Variants in ZNF44 observed in about 807,000 individuals in gnomAD.
ZNF44 encodes zinc finger protein 44, also known as gonadotropin inducible transcription repressor-2.
In ZNF44, 9 loss-of-function variants were observed where a neutral mutation model predicts 11.7. The observed-to-expected ratio is 0.77, with a 90% CI of 0.46 to 1.35. The LOEUF (loss-of-function observed/expected upper bound fraction) is 1.35, where lower values mean the gene tolerates loss of function less well. Among genes scored for constraint, ZNF44 ranks in the 40% most tolerant of loss-of-function variants. The pLI, the probability that ZNF44 is intolerant of heterozygous loss-of-function variation, is 0.00. For synonymous variants in ZNF44, 224 were observed against 242.7 expected (o/e 0.92, Z 0.72); for missense variants, 696 against 743.1 (o/e 0.94, Z 0.74).
In ZNF44 at chr19:12,273,343, A is replaced by C; in HGVS notation, c.912T>G (p.Thr304=). 6.2e-7 allele frequency: 1 copy of C among 1,613,870 alleles called. No individual in the cohort carries two copies. The highest frequency in any genetic ancestry group is 8.5e-7 in the Non-Finnish European group (1 of 1,179,926). Residue 304 remains threonine (T), a synonymous_variant, in exon 4 of 4, where the codon ACT becomes ACG. Coordinates refer to ENST00000355684, the MANE Select transcript of ZNF44 (RefSeq NM_016264.4). ...GSLRVHERIH[T]GEKPYTCKQC... ...GTTTACATGTATAGGGTTTCTCTCCAGTGTGAATTCTTTCATGTACTCGAA... is the reference window on the plus strand; with the variant it reads ...GTTTACATGTATAGGGTTTCTCTCCCGTGTGAATTCTTTCATGTACTCGAA...
chr19:12,225,534 C>A (rs1039631500), downstream of ZNF44, among the ~76,000 whole-genome samples: 2 of 151,954 alleles, frequency 1.3e-5, no homozygotes, highest in African/African-American at 4.8e-5. Flanking sequence ...TTGGAAAGGC[C>A]CATGTGTTAT....
downstream of ZNF44, chr19:12,247,285 C>T (rs770940079): frequency 3.5e-5 from 43 of 1,226,122 alleles, no homozygotes; most frequent in African/African-American, 5.1e-4. Context: ...TTCTATTCAG[C>T]GTGCACTTTC....
chr19:12,293,305 A>G, intron 1 of ZNF44: 1 of 1,536,966 alleles, frequency 6.5e-7, no homozygotes, highest in Non-Finnish European at 8.7e-7. Flanking sequence ...GCCGATATCC[A>G]CTAGGCCCTC....
At chr19:12,291,491 A>T (rs1968002905) in intron 1 of ZNF44, among the ~76,000 whole-genome samples, 1 of 152,168 alleles carries the variant, frequency 6.6e-6, no homozygotes, top group East Asian at 1.9e-4. Context: ...AAAGTTTTTT[A>T]AAAATGCTCC....
exon 8 of ZNF44, chr19:12,248,371 T>C (rs1244280227): frequency 2.3e-6 from 3 of 1,291,738 alleles, no homozygotes; most frequent in Non-Finnish European, 3.0e-6. Context: ...TTGTAGACTA[T>C]CCCTGCACTG....
At chr19:12,254,091 A>T (rs1034333555) in intron 5 of ZNF44, among the ~76,000 whole-genome samples, 1 of 152,120 alleles carries the variant, frequency 6.6e-6, no homozygotes, top group Non-Finnish European at 1.5e-5. Context: ...CATACTTCTC[A>T]AGTTCACATG....
Position 12,274,343 on chromosome 19 carries a change from GCTT to G in ZNF44, c.192-283_192-281del, listed in dbSNP as rs1170710069. On this transcript the variant is annotated intron_variant, in intron 3 of 3. Transcript: ENST00000355684. ...CTGGAGTGCAGCTGGTGCTGTCTCG[GCTT>G]GCTGCAACCTCCGCCTCCCAGGTTC... Among the ~76,000 whole-genome samples, 11 of 148,040 alleles carry G rather than the reference GCTT, an allele frequency of 7.4e-5. No individual in the cohort carries two copies. In the East Asian group the frequency reaches 1.2e-3, roughly 16 times the overall value.
chr19:12,231,819 GAAC>G (rs1366338179), intron 2 of ZNF44, among the ~76,000 whole-genome samples: 5 of 152,166 alleles, frequency 3.3e-5, no homozygotes, highest in South Asian at 2.1e-4. Flanking sequence ...ACTTTTTTGA[GAAC>G]AATAGAGCTA....
chr19:12,227,556 A>G (rs1234260863), intron 3 of ZNF44, among the ~76,000 whole-genome samples: 3 of 152,260 alleles, frequency 2.0e-5, no homozygotes, highest in African/African-American at 7.2e-5. Flanking sequence ...CAGTGAGCCA[A>G]GATCGTGCCA....
chr19:12,275,079 A>G (rs754763790), intron 2 of ZNF44, 46 bp from the exon 3 acceptor site: 78 of 1,424,984 alleles, frequency 5.5e-5, no homozygotes, highest in Non-Finnish European at 7.2e-5. Context: ...TTACAAAATG[A>G]TACAAAAATT....
chr19:12,238,188 T>A (rs1424045477), upstream of ZNF44: 2 of 152,082 alleles, frequency 1.3e-5, no homozygotes, highest in East Asian at 3.9e-4. Flanking sequence ...TACAGCAATA[T>A]TCTGTAAAGA....
rs750617918 is a variant in ZNF44 at position 12,272,827 on chromosome 19, A to G, written c.1428T>C (p.Tyr476=). Residue 476 remains tyrosine (Y), a synonymous_variant, in exon 4 of 4, where the codon TAT becomes TAC. Transcript: ENST00000355684. ...ATGCTTTCCCACACTCCTTACATTC[A>G]TAAGGCTCCTCTTCACTGTGTGTTG... ...HETTHSEEEP[Y]ECKECGKAFS... 5 of 1,614,010 alleles carry G rather than the reference A, an allele frequency of 3.1e-6. No individual in the cohort carries two copies. The South Asian group carries it at 5.5e-5, about 18-fold the overall frequency.
At chr19:12,260,496 A>G (rs1599511003) in intron 5 of ZNF44, 1 of 1,290,268 alleles carries the variant, frequency 7.8e-7, no homozygotes, top group East Asian at 2.4e-5. Flanking sequence ...GAAGCCTGTG[A>G]TGGTGAAGCG....
At chr19:12,292,292 A>G (rs1968038430) in intron 1 of ZNF44, among the ~76,000 whole-genome samples, 1 of 152,214 alleles carries the variant, frequency 6.6e-6, no homozygotes. Context: ...CCTGGGCAAC[A>G]GAGGGAGACC....
intron 3 of ZNF44, 38 bp from the exon 4 acceptor site, chr19:12,274,101 A>T (rs749479780): frequency 6.6e-7 from 1 of 1,509,916 alleles, no homozygotes; most frequent in African/African-American, 1.4e-5. Context: ...AAGGTTTATT[A>T]TTGAATTTAT....
rs1435670021 is a variant in ZNF44 at position 12,273,202 on chromosome 19, T to C, written c.1053A>G (p.Ser351=). The C allele has an allele frequency of 1.5e-5, 25 of 1,614,040 alleles. No individual in the cohort carries two copies. Among genetic ancestry groups the C allele is most frequent in the Non-Finnish European group, 2.1e-5 (25 of 1,179,938 alleles). Residue 351 remains serine, a synonymous_variant, in exon 4 of 4, where the codon TCA becomes TCG. Transcript: ENST00000355684. The part of the protein sequence containing the change: ...ICGKGFDFPG[S]ARIHEGTHTL... The stretch of plus-strand genomic sequence containing the variant: ...TGTGAGTTCCTTCATGAATTCGTGC[T>C]GAACCAGGAAAATCAAAGCCTTTCC...
upstream of ZNF44, among the ~76,000 whole-genome samples, chr19:12,238,695 T>C (rs1032675873): frequency 2.0e-5 from 3 of 148,428 alleles, no homozygotes; most frequent in African/African-American, 5.0e-5. Context: ...ACTCAGGAGG[T>C]CGAGGCAGGA....
In ZNF44 at chr19:12,257,845, C is replaced by T. The variant is rs531245014; in HGVS notation, c.1913-7477G>A. ...ATTCAACTGGGCATTGTGGTGCACG[C>T]CTGTAATCCCAGCTACTCGGGAGGC... is the stretch of plus-strand genomic sequence containing the variant. On this transcript the variant is annotated intron_variant and NMD_transcript_variant, in intron 5 of 7. Transcript: ENST00000393337. Among the ~76,000 whole-genome samples the T allele has an allele frequency of 1.3e-4, 20 of 150,860 alleles. 1 individual carries two copies. Among genetic ancestry groups the T allele is most frequent in the Middle Eastern group, 3.4e-3 (1 of 292 alleles).
chr19:12,279,171 G>C (rs1967363027), intron 1 of ZNF44, among the ~76,000 whole-genome samples: 1 of 152,202 alleles, frequency 6.6e-6, no homozygotes, highest in Non-Finnish European at 1.5e-5. Flanking sequence ...AGAGACTTCA[G>C]TGTTTATACC....
Sources: gnomAD v4.1 joint callset for allele counts (sites outside exome capture counted in the v4.1 genomes callset) on GRCh38, gnomAD v4.1.1 for gene constraint, MANE v1.5 for transcripts, NCBI Gene and HGNC (gene_info 2026-07-23, HGNC 2026-07-21) for gene names.